Variants in RYR1 observed in about 807,000 individuals in gnomAD.
RYR1 encodes ryanodine receptor 1, also known as central core disease of muscle.
In RYR1, 342 loss-of-function variants were observed where a neutral mutation model predicts 583.5. The ratio of observed to expected loss-of-function variants is 0.59; its 90% CI spans 0.54 to 0.64. RYR1 has a LOEUF of 0.64. Ranked by LOEUF, RYR1 falls within the 30% of genes least tolerant of loss-of-function variation. The pLI is 0.00. For missense variants in RYR1, 6,032 were observed against 6,917.2 expected, an observed-to-expected ratio of 0.87 and a Z score of 4.54; for synonymous variants, 2,791 against 2,822.5, an observed-to-expected ratio of 0.99 and a Z score of 0.35.
At chr19:38,443,175 G>A (rs1471144134) in intron 3 of RYR1, among the ~76,000 whole-genome samples, 3 of 152,184 alleles carry the variant, frequency 2.0e-5, no homozygotes, top group East Asian at 3.8e-4. Flanking sequence ...GCAGCATGAT[G>A]GGGGAGGTCA....
rs1971528147 is a variant in RYR1, at chr19:38,527,657, C to A, written c.10697C>A (p.Ser3566Tyr). Residue 3566 changes from serine (S) to tyrosine (Y), a missense_variant, in exon 73 of 106, where the codon TCC becomes TAC. This residue lies in a region of RYR1 where 1,493 missense variants were observed against 1,715.5 expected (regional missense o/e 0.87). Transcript: ENST00000359596. ...TCTTCCTCCCTTCAGGTCGAAGGCT[C>A]CCCGTCTCTGCGCTGGCAGATGGCT... is the stretch of plus-strand genomic sequence containing the variant. The part of the protein sequence containing the change: ...NLHLQGKVEG[S>Y]PSLRWQMALY... 2.2e-5 allele frequency: 36 copies of A among 1,614,016 alleles called. No homozygotes were observed. Among genetic ancestry groups the A allele is most frequent in the Non-Finnish European group, 3.0e-5 (35 of 1,180,038 alleles).
Position 38,444,129 on chromosome 19 carries a change from C to T in RYR1, c.425-20C>T. 6.3e-7 allele frequency: 1 copy of T among 1,596,878 alleles called. No individual in the cohort carries two copies. The highest frequency in any genetic ancestry group is 8.6e-7 in the Non-Finnish European group (1 of 1,164,392). On this transcript the variant is annotated intron_variant, in intron 5 of 105. Transcript: ENST00000359596. The surrounding 1 kb of genome is among the most constrained non-coding windows in gnomAD (Gnocchi z 5.1). ...GAAGCCATCATCTGACAGCCACCCCCATTCCATCCCCACCCATAGGAGAGG... is the reference window on the plus strand; with the variant it reads ...GAAGCCATCATCTGACAGCCACCCCTATTCCATCCCCACCCATAGGAGAGG...
At chr19:38,514,545 G>T (rs1223890031) in intron 63 of RYR1, among the ~76,000 whole-genome samples, 1 of 151,908 alleles carries the variant, frequency 6.6e-6, no homozygotes, top group Non-Finnish European at 1.5e-5. Context: ...CCTCCAAAGT[G>T]CTGGGATTAC....
In RYR1 at chr19:38,473,617, C is replaced by A. The variant is rs755911690; in HGVS notation, c.4006C>A (p.Arg1336Ser). 7 of 1,568,190 alleles carry A rather than the reference C, an allele frequency of 4.5e-6. No individual in the cohort carries two copies. The highest frequency in any genetic ancestry group is 4.3e-6 in the Non-Finnish European group (5 of 1,156,804). ...EPDPDYENLR[R>S]SAGGWSEAEN... ...CGACCCTGACTACGAAAACCTGCGC[C>A]GCTCAGCTGGGGGCTGGAGCGAGGC... The change falls in exon 28 of 106, where the codon CGC (arginine) becomes AGC (serine). Residue 1336 changes from arginine to serine, a missense_variant. Transcript: ENST00000359596.
intron 58 of RYR1, among the ~76,000 whole-genome samples, chr19:38,510,153 TG>T (rs1475208213): frequency 1.3e-5 from 2 of 152,112 alleles, no homozygotes; most frequent in Admixed American, 6.6e-5. Flanking sequence ...AAACCTTGGC[TG>T]TACTAAAAAT....
rs2145434472 is a variant in RYR1 at position 38,463,730 on chromosome 19, C to A, written c.2683-17C>A. 5 of 1,609,702 alleles carry A rather than the reference C, an allele frequency of 3.1e-6. No homozygotes were observed. The East Asian group carries it at 1.1e-4, about 36-fold the overall frequency. ...AGGAAAGGGGAGCACATGGAGTTGA[C>A]CCTGGGTTTTCTCCAGGTTCGGGAT... On this transcript the variant is annotated splice_polypyrimidine_tract_variant and intron_variant, in intron 21 of 105. Transcript: ENST00000359596.
intron 22 of RYR1, among the ~76,000 whole-genome samples, chr19:38,464,133 C>T (rs550134245): frequency 1.8e-3 from 271 of 151,788 alleles, no homozygotes; most frequent in African/African-American, 6.0e-3. Context: ...AAAACTTAGC[C>T]GGGCGTGGTG....
intron 9 of RYR1, among the ~76,000 whole-genome samples, chr19:38,447,637 T>A (rs939431394): frequency 6.7e-6 from 1 of 150,262 alleles, no homozygotes; most frequent in African/African-American, 2.5e-5. Flanking sequence ...AGGTCAGGAG[T>A]TCAAGACCAG....
rs1475584811 is a variant in RYR1, at chr19:38,446,469, C to T, written c.632-3C>T. ...TTGACCAACTTCCCTTGCTCCTCTC[C>T]AGGCTTCGTGACGGGAGGTCACGTC... On this transcript the variant is annotated splice_region_variant and splice_polypyrimidine_tract_variant and intron_variant, in intron 7 of 105. Transcript: ENST00000359596. The T allele has an allele frequency of 2.5e-6, 4 of 1,613,182 alleles. No homozygotes were observed. The highest frequency in any genetic ancestry group is 3.4e-6 in the Non-Finnish European group (4 of 1,179,118).
intron 27 of RYR1, among the ~76,000 whole-genome samples, chr19:38,470,747 A>G (rs779275981): frequency 8.7e-5 from 13 of 148,822 alleles, no homozygotes; most frequent in Non-Finnish European, 1.8e-4. Flanking sequence ...TATCTTTACA[A>G]ACAAAACAAA....
intron 94 of RYR1, 65 bp downstream of exon 94, chr19:38,570,758 C>T: frequency 1.5e-6 from 2 of 1,343,100 alleles, no homozygotes; most frequent in East Asian, 4.6e-5. Context: ...GAGGCTCAGC[C>T]CCTATCAGAA....
At chr19:38,538,354 C>T (rs924000798) in intron 84 of RYR1, among the ~76,000 whole-genome samples, 74 of 152,236 alleles carry the variant, frequency 4.9e-4, no homozygotes, top group African/African-American at 1.7e-3. Flanking sequence ...GAGCCAAGAT[C>T]GCACCATTGC....
intron 81 of RYR1, 47 bp from the exon 82 acceptor site, chr19:38,535,950 G>A (rs1327621280): frequency 6.4e-7 from 1 of 1,566,546 alleles, no homozygotes; most frequent in Non-Finnish European, 8.7e-7. Context: ...AGAGAGGAGG[G>A]CAGAGGCTTC....
chr19:38,515,261 G>A (rs1878088810), intron 64 of RYR1, among the ~76,000 whole-genome samples, 154 bp downstream of exon 64: 1 of 152,174 alleles, frequency 6.6e-6, no homozygotes, highest in Admixed American at 6.5e-5. Context: ...GCCGCGTGAG[G>A]GCGCTCAGGG....
intron 37 of RYR1, 65 bp downstream of exon 37, chr19:38,490,797 T>C (rs1969519536): frequency 9.6e-7 from 1 of 1,043,196 alleles, no homozygotes. Flanking sequence ...TCCAGAAGTT[T>C]CCCTAAGATT....
At chr19:38,491,619 G>A (rs1969554784) in intron 37 of RYR1, among the ~76,000 whole-genome samples, 1 of 151,722 alleles carries the variant, frequency 6.6e-6, no homozygotes, top group Non-Finnish European at 1.5e-5. Context: ...TTATAGAGTC[G>A]GGGTTTTGCC....
intron 89 of RYR1, among the ~76,000 whole-genome samples, chr19:38,559,228 C>CT (rs34239565): frequency 0.012 from 1,250 of 101,172 alleles, 4 homozygotes; most frequent in Non-Finnish European, 0.015. Flanking sequence ...AGGTGGGCTT[C>CT]TTTTTTTTTT....
intron 20 of RYR1, among the ~76,000 whole-genome samples, chr19:38,462,891 CTTTTTT>C (rs553168266): frequency 2.5e-5 from 2 of 78,754 alleles, no homozygotes; most frequent in African/African-American, 4.9e-5. Flanking sequence ...ACTCTCTCTT[CTTTTTT>C]TTTTTTTTTT....
intron 75 of RYR1, 92 bp from the exon 76 acceptor site, chr19:38,528,857 AAG>A (rs1971603713): frequency 6.7e-7 from 1 of 1,501,126 alleles, no homozygotes; most frequent in Non-Finnish European, 9.2e-7. Flanking sequence ...GATGTGGGAA[AAG>A]AGAAAAAAAA....
Sources: allele counts gnomAD v4.1 joint callset (sites outside exome capture counted in the v4.1 genomes callset), GRCh38; gene constraint gnomAD v4.1.1; regional missense constraint gnomAD v4.1.1; non-coding constraint Gnocchi (gnomAD v3.1); transcripts MANE v1.5; gene names NCBI Gene and HGNC (gene_info 2026-07-23, HGNC 2026-07-21).